Variants in C14orf180 observed in about 807,000 individuals in gnomAD.
C14orf180 encodes nutritionally-regulated adipose and cardiac enriched protein homolog.
A neutral mutation model predicts 13.9 loss-of-function variants in C14orf180; 13 were observed. The observed-to-expected ratio is 0.94, with a 90% confidence interval of 0.61 to 1.49. The LOEUF is 1.49. C14orf180 is among the 40% of genes most tolerant of loss of function. The pLI, the probability that C14orf180 is intolerant of heterozygous loss-of-function variation, is 0.00. For missense variants in C14orf180, 238 were observed against 232.0 expected (o/e 1.03, Z -0.17); for synonymous variants, 113 against 106.3 (o/e 1.06, Z -0.39).
intron 2 of C14orf180, among the ~76,000 whole-genome samples, chr14:104,586,942 C>A (rs2140464646): frequency 6.6e-6 from 1 of 152,288 alleles, no homozygotes; most frequent in East Asian, 1.9e-4. Flanking sequence ...GCCTCTGAGG[C>A]ACTGCCAGGC....
At chr14:104,586,117 T>C (rs1008204862) in intron 1 of C14orf180, among the ~76,000 whole-genome samples, 1 of 152,258 alleles carries the variant, frequency 6.6e-6, no homozygotes, top group Non-Finnish European at 1.5e-5. Context: ...CGAGGGTGAC[T>C]TTCAGTGACG....
chr14:104,588,688 A>T lies in C14orf180; in HGVS notation c.388A>T (p.Thr130Ser), dbSNP rs1199523296. The T allele has an allele frequency of 6.5e-7, 1 of 1,535,224 alleles. No homozygotes were observed. The highest frequency in any genetic ancestry group is 1.4e-5 in the African/African-American group (1 of 73,002). Residue 130 changes from threonine to serine, a missense_variant, in exon 5 of 5, where the codon ACG (threonine) becomes TCG (serine). Transcript: ENST00000557649. ...CTGCGGCCGGGCCAAGCCCGTGGCA[A>T]CGGCACTGGAGGACCTGCGGGCCCG... ...LYCGRAKPVA[T>S]ALEDLRARLL...
intron 1 of C14orf180, among the ~76,000 whole-genome samples, chr14:104,580,575 T>C (rs140220198): frequency 1.2e-4 from 19 of 152,286 alleles, no homozygotes; most frequent in Admixed American, 2.6e-4. Context: ...AGGGCAAGTC[T>C]ACGCAGGCCC....
Position 104,589,005 on chromosome 14 carries a change from C to A in C14orf180, c.*222C>A. 1 of 918,310 alleles carries A rather than the reference C, an allele frequency of 1.1e-6. No homozygotes were observed. The highest frequency in any genetic ancestry group is 1.6e-6 in the Non-Finnish European group (1 of 637,594). 56.9% of individuals were successfully genotyped at this position (918,310 alleles called of 1,614,324 possible). A position where few individuals can be genotyped will look rare whatever the true frequency, so the allele number is the denominator to read the frequency against. On this transcript the variant is annotated 3_prime_UTR_variant, in exon 5 of 5. Coordinates refer to ENST00000557649, the MANE Select transcript of C14orf180 (RefSeq NM_001008404.3). This position sits in a 1 kb window ranked among gnomAD's most constrained non-coding sequence, Gnocchi z 4.9. ...ACACTAGTCAGCACAGCCCTCCTGT[C>A]TCCTGTGTTGGGTCCATGTGAGATT...
chr14:104,584,243 C>T (rs1329869701), intron 1 of C14orf180, among the ~76,000 whole-genome samples: 1 of 152,184 alleles, frequency 6.6e-6, no homozygotes, highest in Non-Finnish European at 1.5e-5. Flanking sequence ...GCTGCAGGGT[C>T]GCCTGGCAAG....
At chr14:104,585,168 C>T (rs574374635) in intron 1 of C14orf180, among the ~76,000 whole-genome samples, 44 of 152,306 alleles carry the variant, frequency 2.9e-4, no homozygotes, top group African/African-American at 4.6e-4. Flanking sequence ...GGGGCAGGGG[C>T]GGCAGTACCC....
chr14:104,588,298 C>G lies in C14orf180; in HGVS notation c.266C>G (p.Ala89Gly). 6.2e-7 allele frequency: 1 copy of G among 1,614,066 alleles called. No homozygotes were observed. Among genetic ancestry groups the G allele is most frequent in the Non-Finnish European group, 8.5e-7 (1 of 1,180,004 alleles). Residue 89 changes from alanine (A) to glycine (G), a missense_variant, in exon 4 of 5, where the codon GCC (alanine) becomes GGC (glycine). Coordinates refer to ENST00000557649, the MANE Select transcript of C14orf180 (RefSeq NM_001008404.3). The stretch of plus-strand genomic sequence containing the variant: ...GACATTGCTGACAAGAACGCCACAG[C>G]CACTGTCAGGGGTGAGTTCTGAGCC... ...VHYIADKNAT[A>G]TVRVPGRPRP...
intron 3 of C14orf180, 104 bp from the exon 4 acceptor site, chr14:104,588,170 A>AAT: frequency 7.1e-7 from 1 of 1,404,376 alleles, no homozygotes; most frequent in Non-Finnish European, 1.0e-6. Context: ...CTCACTGATG[A>AAT]ATAGTCTCAG....
At chr14:104,588,182 G>A (rs1886699802) in intron 3 of C14orf180, 92 bp from the exon 4 acceptor site, 1 of 1,484,248 alleles carries the variant, frequency 6.7e-7, no homozygotes. Flanking sequence ...TAGTCTCAGG[G>A]TCCTTCGGGG....
chr14:104,584,825 G>A (rs1343072478), intron 1 of C14orf180, among the ~76,000 whole-genome samples: 1 of 152,242 alleles, frequency 6.6e-6, no homozygotes, highest in Non-Finnish European at 1.5e-5. Context: ...TCCAGACAGT[G>A]TCCTCCCAGA....
At chr14:104,585,424 G>A (rs1041272852) in intron 1 of C14orf180, among the ~76,000 whole-genome samples, 1 of 152,200 alleles carries the variant, frequency 6.6e-6, no homozygotes, top group Non-Finnish European at 1.5e-5. Flanking sequence ...CCCTCTGTAG[G>A]GAGGAGTGCC....
intron 1 of C14orf180, among the ~76,000 whole-genome samples, chr14:104,584,774 C>T (rs774482364): frequency 5.3e-5 from 8 of 152,212 alleles, no homozygotes; most frequent in Non-Finnish European, 8.8e-5. Flanking sequence ...CCTGATCCGG[C>T]GATAGCAGAA....
In C14orf180 at chr14:104,588,835, G is replaced by A. The variant is rs186046463; in HGVS notation, c.*52G>A. On this transcript the variant is annotated 3_prime_UTR_variant, in exon 5 of 5. Coordinates refer to ENST00000557649, the MANE Select transcript of C14orf180 (RefSeq NM_001008404.3). ...GCTTCCAGGAGAGCTCAAGCACTCC[G>A]GGGGCTCCGAGACAGCCTGAGCCCT... The A allele has an allele frequency of 3.0e-3, 4,624 of 1,522,360 alleles. 16 individuals carry two copies. Among genetic ancestry groups the A allele is most frequent in the Non-Finnish European group, 3.6e-3 (4,140 of 1,138,918 alleles). 94.3% of individuals were successfully genotyped at this position (1,522,360 alleles called of 1,614,324 possible). A position where few individuals can be genotyped will look rare whatever the true frequency, so the allele number is the denominator to read the frequency against.
intron 1 of C14orf180, among the ~76,000 whole-genome samples, chr14:104,580,564 G>A (rs538054993): frequency 2.0e-5 from 3 of 152,336 alleles, no homozygotes; most frequent in South Asian, 2.1e-4. Flanking sequence ...GGCATCCTCC[G>A]AGGGCAAGTC....
At chr14:104,582,735 C>T (rs1186680610) in intron 1 of C14orf180, among the ~76,000 whole-genome samples, 1 of 152,222 alleles carries the variant, frequency 6.6e-6, no homozygotes, top group African/African-American at 2.4e-5. Context: ...GTTCCTGTTC[C>T]CAGAGTGGGG....
In C14orf180 at chr14:104,586,448, A is replaced by T; in HGVS notation, c.18A>T (p.Gly6=). The part of the protein sequence containing the change: MRTAA[G]AVSPDSRPET... Reference sequence around the variant, plus strand: ...TCCAGTAAATGAGGACTGCAGCAGGAGCCGTGAGCCCTGACTCCCGGCCAG... The same window carrying T: ...TCCAGTAAATGAGGACTGCAGCAGGTGCCGTGAGCCCTGACTCCCGGCCAG... The change falls in exon 2 of 5, where the codon GGA becomes GGT. Residue 6 remains glycine (G), a synonymous_variant. Coordinates refer to ENST00000557649, the MANE Select transcript of C14orf180 (RefSeq NM_001008404.3). The T allele has an allele frequency of 6.5e-7, 1 of 1,538,364 alleles. No homozygotes were observed. Among genetic ancestry groups the T allele is most frequent in the South Asian group, 1.2e-5 (1 of 81,502 alleles).
Position 104,590,459 on chromosome 14 carries a change from G to T in C14orf180, c.*1676G>T, listed in dbSNP as rs567946997. 1.3e-5 allele frequency: 2 copies of T among 152,270 alleles called. No individual in the cohort carries two copies. Among genetic ancestry groups the T allele is most frequent in the South Asian group, 2.1e-4 (1 of 4,826 alleles). The allele number at this position is 152,270 out of a possible 1,614,324, so 9.4% of individuals were successfully genotyped here. A position where few individuals can be genotyped will look rare whatever the true frequency, so the allele number is the denominator to read the frequency against. ...GCTGTCTGTCCACTGCAAAGGCAACGCAAGGACGTGCCTGGCTTTGCGGGG... is the reference window on the plus strand; with the variant it reads ...GCTGTCTGTCCACTGCAAAGGCAACTCAAGGACGTGCCTGGCTTTGCGGGG... On this transcript the variant is annotated 3_prime_UTR_variant, in exon 5 of 5. Transcript: ENST00000557649.
At chr14:104,586,640 C>A in intron 2 of C14orf180, 99 bp downstream of exon 2, 1 of 609,248 alleles carries the variant, frequency 1.6e-6, no homozygotes, top group Non-Finnish European at 2.6e-6. Context: ...ATCCTCCACC[C>A]CAGGAATCAG....
At chr14:104,587,661 G>A (rs983927652) in intron 2 of C14orf180, 88 bp from the exon 3 acceptor site, 14 of 1,369,052 alleles carry the variant, frequency 1.0e-5, no homozygotes, top group South Asian at 5.1e-5. Context: ...GTTCCAGGAC[G>A]GTGCTGCTGG....
Sources: gnomAD v4.1 joint callset for allele counts (sites outside exome capture counted in the v4.1 genomes callset) on GRCh38, gnomAD v4.1.1 for gene constraint, Gnocchi (gnomAD v3.1) non-coding constraint, MANE v1.5 for transcripts, NCBI Gene and HGNC (gene_info 2026-07-23, HGNC 2026-07-21) for gene names.